The following KCND2 variants were observed in gnomAD, a reference collection of about 807,000 sequenced individuals.
The protein encoded by KCND2 is potassium voltage-gated channel subfamily D member 2.
A neutral mutation model predicts 54.4 loss-of-function variants in KCND2; 16 were observed. The ratio of observed to expected loss-of-function variants is 0.29; its 90% CI spans 0.20 to 0.45. The LOEUF (loss-of-function observed/expected upper bound fraction) is 0.45. Among genes scored for constraint, KCND2 ranks in the 20% least tolerant of loss-of-function variants. The pLI, the probability that KCND2 is intolerant of heterozygous loss-of-function variation, is 1.00. For synonymous variants in KCND2, 317 were observed against 310.7 expected (o/e 1.02, Z -0.21); for missense variants, 486 against 824.2 (o/e 0.59, Z 5.02).
intron 1 of KCND2, among the ~76,000 whole-genome samples, chr7:120,470,735 T>C (rs1017133758): frequency 6.6e-6 from 1 of 151,996 alleles, no homozygotes; most frequent in South Asian, 2.1e-4. Flanking sequence ...GGAATTATTG[T>C]ATATAAGGAG....
intron 1 of KCND2, among the ~76,000 whole-genome samples, chr7:120,522,093 G>A (rs141738154): frequency 4.6e-5 from 7 of 152,244 alleles, no homozygotes; most frequent in Admixed American, 2.6e-4. Flanking sequence ...CTGACTTTTT[G>A]TGGCTTCAGC....
chr7:120,660,740 GA>G (rs1791855941), intron 1 of KCND2, among the ~76,000 whole-genome samples: 1 of 152,124 alleles, frequency 6.6e-6, no homozygotes, highest in Non-Finnish European at 1.5e-5. Flanking sequence ...TTCAATCAAG[GA>G]ATACAGTGCT....
chr7:120,735,047 T>G (rs1462370691), intron 2 of KCND2, among the ~76,000 whole-genome samples: 1 of 152,082 alleles, frequency 6.6e-6, no homozygotes, highest in Non-Finnish European at 1.5e-5. Context: ...TAGCAAAGAA[T>G]CACTTTTTCA....
chr7:120,350,555 C>T (rs1237255399), intron 1 of KCND2, among the ~76,000 whole-genome samples: 1 of 152,074 alleles, frequency 6.6e-6, no homozygotes, highest in Non-Finnish European at 1.5e-5. Context: ...TTTTATAAAG[C>T]AGACAAGAGC....
At chr7:120,352,187 C>T (rs1372889199) in intron 1 of KCND2, among the ~76,000 whole-genome samples, 1 of 152,034 alleles carries the variant, frequency 6.6e-6, no homozygotes, top group African/African-American at 2.4e-5. Context: ...CAACCCACCT[C>T]AGCCTCCCAA....
intron 1 of KCND2, among the ~76,000 whole-genome samples, chr7:120,595,223 G>A (rs948064656): frequency 1.3e-5 from 2 of 151,128 alleles, no homozygotes; most frequent in African/African-American, 4.9e-5. Flanking sequence ...AGGCCGAGAC[G>A]GGCAAATCAC....
intron 1 of KCND2, among the ~76,000 whole-genome samples, chr7:120,540,814 T>C (rs958744605): frequency 2.3e-4 from 34 of 148,140 alleles, no homozygotes; most frequent in African/African-American, 8.6e-4. Flanking sequence ...TCACTCTCTA[T>C]AAAAAAAAAT....
At chr7:120,682,264 A>G (rs564546522) in intron 1 of KCND2, among the ~76,000 whole-genome samples, 20 of 152,160 alleles carry the variant, frequency 1.3e-4, no homozygotes, top group African/African-American at 4.8e-4. Context: ...GGATGTATGG[A>G]AGAATTAAAG....
intron 1 of KCND2, among the ~76,000 whole-genome samples, chr7:120,425,085 A>C (rs1423434101): frequency 6.6e-6 from 1 of 152,310 alleles, no homozygotes; most frequent in African/African-American, 2.4e-5. Context: ...TACATGCATA[A>C]TTCGTTTACT....
chr7:120,675,043 A>C (rs111849194), intron 1 of KCND2, among the ~76,000 whole-genome samples: 166 of 151,732 alleles, frequency 1.1e-3, no homozygotes, highest in African/African-American at 3.6e-3. Flanking sequence ...TTTTCTACCT[A>C]CCTGCAGCTT....
intron 1 of KCND2, among the ~76,000 whole-genome samples, chr7:120,365,578 G>A (rs1023482794): frequency 1.2e-4 from 19 of 152,126 alleles, no homozygotes; most frequent in Non-Finnish European, 2.4e-4. Flanking sequence ...CCCTGAACAA[G>A]CCTGCGTGCC....
chr7:120,555,597 TTTATA>T (rs535542588), intron 1 of KCND2, among the ~76,000 whole-genome samples: 225 of 152,366 alleles, frequency 1.5e-3, no homozygotes, highest in Middle Eastern at 6.8e-3. Context: ...CAAGATTTAT[TTTATA>T]TAACTGTAGA....
chr7:120,461,180 GT>G (rs372423824), intron 1 of KCND2, among the ~76,000 whole-genome samples: 1 of 152,158 alleles, frequency 6.6e-6, no homozygotes, highest in African/African-American at 2.4e-5. Context: ...GCTTAAAGAG[GT>G]TTCTGTTGCA....
chr7:120,539,682 C>T (rs1244761099), intron 1 of KCND2, among the ~76,000 whole-genome samples: 1 of 152,128 alleles, frequency 6.6e-6, no homozygotes, highest in Non-Finnish European at 1.5e-5. Context: ...TTTTCATACA[C>T]ATATAGATAG....
intron 1 of KCND2, among the ~76,000 whole-genome samples, chr7:120,593,321 A>T (rs1280878459): frequency 6.6e-6 from 1 of 152,296 alleles, no homozygotes; most frequent in East Asian, 1.9e-4. Flanking sequence ...CAACCTCCTG[A>T]TTGATTCACC....
intron 1 of KCND2, among the ~76,000 whole-genome samples, chr7:120,454,292 A>G (rs1454945467): frequency 6.6e-6 from 1 of 152,136 alleles, no homozygotes; most frequent in Non-Finnish European, 1.5e-5. Context: ...AATAATAAAT[A>G]TGATTGATAG....
At chr7:120,311,836 T>A (rs555451191) in intron 1 of KCND2, among the ~76,000 whole-genome samples, 1 of 152,200 alleles carries the variant, frequency 6.6e-6, no homozygotes. Context: ...TTTCTGTTCC[T>A]GTGTTAGTTT....
chr7:120,534,775 A>T (rs980690571), intron 1 of KCND2, among the ~76,000 whole-genome samples: 87 of 151,912 alleles, frequency 5.7e-4, no homozygotes, highest in African/African-American at 2.0e-3. Context: ...ACTCTCAAAT[A>T]AAAAAAAGGT....
At chr7:120,560,834 G>A (rs544051277) in intron 1 of KCND2, among the ~76,000 whole-genome samples, 1 of 152,170 alleles carries the variant, frequency 6.6e-6, no homozygotes, top group East Asian at 1.9e-4. Context: ...AAAGATTATC[G>A]AGACAATTCT....
Sources: allele counts gnomAD v4.1 joint callset (sites outside exome capture counted in the v4.1 genomes callset), GRCh38; gene constraint gnomAD v4.1.1; transcripts MANE v1.5; gene names NCBI Gene and HGNC (gene_info 2026-07-23, HGNC 2026-07-21).